IFT122: variants seen among roughly 807,000 people sequenced by gnomAD.
IFT122 encodes intraflagellar transport 122.
IFT122 carries 118 observed loss-of-function variants against 161.6 expected under a neutral mutation model. The observed-to-expected ratio is 0.73, with a 90% CI of 0.63 to 0.85. The LOEUF is 0.85. Among genes scored for constraint, IFT122 ranks in the 40% least tolerant of loss-of-function variants. The pLI, the probability that IFT122 is intolerant of heterozygous loss-of-function variation, is 0.00. For synonymous variants in IFT122, 550 were observed against 602.4 expected (o/e 0.91, Z 1.27); for missense variants, 1,381 against 1,579.6 (o/e 0.87, Z 2.13).
chr3:129,519,320 G>A (rs1351365694), intron 28 of IFT122, 134 bp downstream of exon 28: 12 of 996,470 alleles, frequency 1.2e-5, no homozygotes, highest in Non-Finnish European at 1.9e-5. Context: ...ACGAAGGAGG[G>A]GCAGGACCCC....
In IFT122 at chr3:129,487,939, AG is replaced by A. The variant is rs34971755; in HGVS notation, c.1852-316del. The A allele has an allele frequency of 0.013, 5,763 of 435,746 alleles. 50 individuals are homozygous for A. The highest frequency in any genetic ancestry group is 0.019 in the Non-Finnish European group (4,437 of 229,828). The allele number at this position is 435,746 out of a possible 1,614,324, so 27.0% of individuals were successfully genotyped here. ...TGAAAGCCAAATAGGTATTTTCCAGAGGCAGAGTGGGGAGGGGCAAAGGCAT... is the reference window on the plus strand; with the variant it reads ...TGAAAGCCAAATAGGTATTTTCCAGAGCAGAGTGGGGAGGGGCAAAGGCAT... On this transcript the variant is annotated intron_variant, in intron 15 of 29. Coordinates refer to ENST00000348417, the MANE Select transcript of IFT122 (RefSeq NM_052989.3).
chr3:129,487,762 G>A (rs1335864058), intron 15 of IFT122: 4 of 253,294 alleles, frequency 1.6e-5, no homozygotes, highest in East Asian at 2.0e-4. Flanking sequence ...GCCCACGGCT[G>A]TGCACGGCTT....
chr3:129,492,194 G>A lies in IFT122; in HGVS notation c.2046G>A (p.Glu682=). Reference sequence around the variant, plus strand: ...ATTTAGAGCTCATCAGCAGCATTGAGGTAAAAGATGAAGCATTTTTCCTTC... The same window carrying A: ...ATTTAGAGCTCATCAGCAGCATTGAAGTAAAAGATGAAGCATTTTTCCTTC... The part of the protein sequence containing the change: ...LRYLELISSI[E]ERKKRGETNN... The change falls in exon 17 of 30, where the codon GAG becomes GAA. Residue 682 remains glutamate (E), a splice_region_variant and synonymous_variant. Coordinates refer to ENST00000348417, the MANE Select transcript of IFT122 (RefSeq NM_052989.3). 6.2e-7 allele frequency: 1 copy of A among 1,611,472 alleles called. No individual in the cohort carries two copies. The highest frequency in any genetic ancestry group is 8.5e-7 in the Non-Finnish European group (1 of 1,177,668).
chr3:129,497,529 C>T (rs140619541), intron 18 of IFT122, among the ~76,000 whole-genome samples: 73 of 152,348 alleles, frequency 4.8e-4, no homozygotes, highest in East Asian at 1.5e-3. Context: ...TCATACCTCT[C>T]TCCCTGGCTG....
In IFT122 at chr3:129,455,381, C is replaced by T. The variant is rs370954904; in HGVS notation, c.194-3218C>T. On this transcript the variant is annotated intron_variant, in intron 3 of 29. Transcript: ENST00000348417. ...AGAGACAGGGTTTCACCATGTTGGTCGGCCTGATCTCAAACTCCTGACCTC... is the reference window on the plus strand; with the variant it reads ...AGAGACAGGGTTTCACCATGTTGGTTGGCCTGATCTCAAACTCCTGACCTC... Among the ~76,000 whole-genome samples the T allele has an allele frequency of 7.8e-4, 119 of 152,078 alleles. 1 individual carries two copies. Among genetic ancestry groups the T allele is most frequent in the South Asian group, 4.6e-3 (22 of 4,818 alleles).
At chr3:129,475,361 A>G (rs2077799983) in intron 9 of IFT122, among the ~76,000 whole-genome samples, 1 of 152,188 alleles carries the variant, frequency 6.6e-6, no homozygotes, top group South Asian at 2.1e-4. Flanking sequence ...TTAAAAATAA[A>G]AAAATATAGG....
At chr3:129,494,504 G>A (rs2080589384) in intron 17 of IFT122, among the ~76,000 whole-genome samples, 1 of 152,144 alleles carries the variant, frequency 6.6e-6, no homozygotes. Context: ...TCACCAGCTT[G>A]TCTAAGAGTT....
chr3:129,478,321 C>G (rs572438935), intron 12 of IFT122, 103 bp downstream of exon 12: 4 of 928,030 alleles, frequency 4.3e-6, no homozygotes, highest in Admixed American at 2.0e-5. Context: ...CACTAGAAAA[C>G]AAGTCTGTTC....
intron 10 of IFT122, 62 bp from the exon 11 acceptor site, chr3:129,476,601 C>A: frequency 6.2e-7 from 1 of 1,613,932 alleles, no homozygotes; most frequent in Admixed American, 1.7e-5. Flanking sequence ...TTGTGTCTGA[C>A]AAATGGGGGA....
intron 21 of IFT122, among the ~76,000 whole-genome samples, chr3:129,504,666 A>C (rs890005607): frequency 6.6e-6 from 1 of 152,202 alleles, no homozygotes; most frequent in African/African-American, 2.4e-5. Flanking sequence ...CTCCTCTCCA[A>C]GCCTCTGTGG....
At chr3:129,479,635 G>A (rs973529495) in intron 12 of IFT122, 150 bp from the exon 13 acceptor site, 1 of 954,670 alleles carries the variant, frequency 1.0e-6, no homozygotes. Context: ...TTGGATTAAC[G>A]ATGCCAATCG....
At chr3:129,517,687 C>CGGGCCATGCTGAGCCTGGCCCTGTGT in intron 27 of IFT122, 93 bp downstream of exon 27, 1 of 1,502,832 alleles carries the variant, frequency 6.7e-7, no homozygotes, top group East Asian at 2.4e-5. Flanking sequence ...CAGGGGATCG[C>CGGGCCATGCTGAGCCTGGCCCTGTGT]GGGCCATGCT....
chr3:129,490,414 C>A (rs1436982289), intron 16 of IFT122, among the ~76,000 whole-genome samples: 5 of 152,188 alleles, frequency 3.3e-5, no homozygotes, highest in African/African-American at 1.2e-4. Context: ...AGACCCTGAG[C>A]AGAGCTGCAG....
chr3:129,518,248 G>GC (rs2084260507), intron 27 of IFT122, among the ~76,000 whole-genome samples: 1 of 152,240 alleles, frequency 6.6e-6, no homozygotes, highest in South Asian at 2.1e-4. Context: ...GGCAGTGAAA[G>GC]CCCCGGGGCA....
chr3:129,485,914 A>C (rs570252241), intron 15 of IFT122, among the ~76,000 whole-genome samples: 121 of 152,366 alleles, frequency 7.9e-4, no homozygotes, highest in African/African-American at 2.7e-3. Flanking sequence ...GTTTTGGCCC[A>C]GAGAGGAGGG....
At chr3:129,466,533 ACT>A (rs1343474360) in intron 7 of IFT122, among the ~76,000 whole-genome samples, 5 of 119,384 alleles carry the variant, frequency 4.2e-5, no homozygotes, top group Admixed American at 1.2e-4. Context: ...ACGGGGTCTC[ACT>A]CTGTCACCCA....
chr3:129,449,677 G>T (rs993107673), intron 1 of IFT122, among the ~76,000 whole-genome samples, 194 bp from the exon 2 acceptor site: 4 of 152,258 alleles, frequency 2.6e-5, no homozygotes, highest in African/African-American at 9.6e-5. Flanking sequence ...TAACTACTGA[G>T]TGGATCATGA....
Position 129,514,755 on chromosome 3 carries a change from C to T in IFT122, c.3153+201C>T, listed in dbSNP as rs2083273151. On this transcript the variant is annotated intron_variant, in intron 25 of 29. Coordinates refer to ENST00000348417, the MANE Select transcript of IFT122 (RefSeq NM_052989.3). ...TGTTCTCCCCGCAGTCCACCTGGCG[C>T]CCGCTCACAGCCCCCGGCCCCGGCC... 7 of 687,226 alleles carry T rather than the reference C, an allele frequency of 1.0e-5. No individual in the cohort carries two copies. The Admixed American group carries it at 1.3e-4, about 13-fold the overall frequency. The allele number at this position is 687,226 out of a possible 1,614,324, so 42.6% of individuals were successfully genotyped here. A position where few individuals can be genotyped will look rare whatever the true frequency, so the allele number is the denominator to read the frequency against.
At chr3:129,446,173 G>A (rs2073965959) in intron 1 of IFT122, among the ~76,000 whole-genome samples, 1 of 151,662 alleles carries the variant, frequency 6.6e-6, no homozygotes, top group South Asian at 2.1e-4. Flanking sequence ...AACTTGGGTT[G>A]CCACAATCCT....
Sources: allele counts gnomAD v4.1 joint callset (sites outside exome capture counted in the v4.1 genomes callset), GRCh38; gene constraint gnomAD v4.1.1; transcripts MANE v1.5; gene names NCBI Gene and HGNC (gene_info 2026-07-23, HGNC 2026-07-21).